GRID2: variants seen among roughly 807,000 people sequenced by gnomAD.
GRID2 encodes glutamate ionotropic receptor delta type subunit 2.
In GRID2, 33 loss-of-function variants were observed where a neutral mutation model predicts 114.8. The ratio of observed to expected loss-of-function variants is 0.29; its 90% confidence interval spans 0.22 to 0.38. The LOEUF is 0.38. Among genes scored for constraint, GRID2 ranks in the 10% least tolerant of loss-of-function variants. The probability of loss-of-function intolerance (pLI) is 1.00; values close to 1 mark genes in which losing one functional copy is unlikely to be tolerated. For synonymous variants in GRID2, 505 were observed against 449.9 expected (o/e 1.12, Z -1.55); for missense variants, 1,184 against 1,257.7 (o/e 0.94, Z 0.89).
intron 2 of GRID2, among the ~76,000 whole-genome samples, chr4:92,760,004 A>G (rs1417479162): frequency 6.6e-6 from 1 of 151,454 alleles, no homozygotes; most frequent in Non-Finnish European, 1.5e-5. Flanking sequence ...TACGGCACAT[A>G]GCTGAGGCGG....
At chr4:93,264,072 T>C (rs904388340) in intron 8 of GRID2, among the ~76,000 whole-genome samples, 7 of 152,208 alleles carry the variant, frequency 4.6e-5, no homozygotes, top group Non-Finnish European at 7.3e-5. Context: ...CAGGTTATAT[T>C]CAGGCAGCTA....
chr4:93,597,642 G>A (rs932300967), intron 13 of GRID2, among the ~76,000 whole-genome samples: 4 of 152,102 alleles, frequency 2.6e-5, no homozygotes, highest in African/African-American at 7.2e-5. Context: ...TCACTCCAGC[G>A]AATCTCCTTA....
chr4:93,515,004 T>C (rs543247649), intron 12 of GRID2, among the ~76,000 whole-genome samples: 70 of 152,304 alleles, frequency 4.6e-4, no homozygotes, highest in Middle Eastern at 3.4e-3. Context: ...TCAATAATAA[T>C]TTTGTGTTCT....
At chr4:93,093,671 C>T (rs374175698) in intron 3 of GRID2, among the ~76,000 whole-genome samples, 28 of 152,064 alleles carry the variant, frequency 1.8e-4, no homozygotes, top group African/African-American at 6.7e-4. Flanking sequence ...TGAATCTGAG[C>T]ATTTTCCCCT....
intron 2 of GRID2, among the ~76,000 whole-genome samples, chr4:92,849,170 AT>A (rs1743568279): frequency 6.6e-6 from 1 of 151,966 alleles, no homozygotes; most frequent in Non-Finnish European, 1.5e-5. Flanking sequence ...ATTGATGATG[AT>A]GAAAAAGAGG....
chr4:92,335,168 G>T (rs190738714), intron 1 of GRID2, among the ~76,000 whole-genome samples: 2 of 152,122 alleles, frequency 1.3e-5, no homozygotes, highest in Non-Finnish European at 2.9e-5. Flanking sequence ...TATGTTTAAA[G>T]TTTTAACTTC....
At chr4:92,789,902 A>G (rs1739497526) in intron 2 of GRID2, among the ~76,000 whole-genome samples, 1 of 151,838 alleles carries the variant, frequency 6.6e-6, no homozygotes, top group Non-Finnish European at 1.5e-5. Context: ...TGTTTTGTTC[A>G]AAGATATGTG....
At chr4:93,407,825 TCTC>T (rs141411355) in intron 9 of GRID2, among the ~76,000 whole-genome samples, 21,064 of 116,936 alleles carry the variant, frequency 0.18, 2,625 homozygotes, top group African/African-American at 0.38. Flanking sequence ...TCCTCCTCCT[TCTC>T]CTCCTCCTCC....
chr4:93,628,510 C>T (rs1742935632), intron 14 of GRID2, among the ~76,000 whole-genome samples: 1 of 151,900 alleles, frequency 6.6e-6, no homozygotes, highest in African/African-American at 2.4e-5. Context: ...AGGGGAAATA[C>T]GGAGAAGGAA....
At chr4:93,283,567 A>G (rs538607279) in intron 8 of GRID2, among the ~76,000 whole-genome samples, 35 of 152,122 alleles carry the variant, frequency 2.3e-4, no homozygotes, top group Non-Finnish European at 4.3e-4. Flanking sequence ...ATAAATTTTA[A>G]GAACTATCAG....
intron 2 of GRID2, among the ~76,000 whole-genome samples, chr4:92,802,031 T>A (rs1740198442): frequency 6.6e-6 from 1 of 151,968 alleles, no homozygotes. Context: ...GGATGATTTT[T>A]AAATTTTATT....
rs562700686 is a variant in GRID2 at position 92,346,031 on chromosome 4, A to G, written c.88+41287A>G. 1.8e-3 allele frequency among the ~76,000 whole-genome samples: 275 copies of G among 152,332 alleles called. 1 individual carries two copies. Among genetic ancestry groups the G allele is most frequent in the African/African-American group, 6.5e-3 (271 of 41,586 alleles). On this transcript the variant is annotated intron_variant, in intron 1 of 15. Coordinates refer to ENST00000282020, the MANE Select transcript of GRID2 (RefSeq NM_001510.4). ...AAAGACATTTCGTGTCAAAAAGCAT[A>G]ATCTGAACAAACAAGAAGCACCACT...
chr4:92,521,515 A>G (rs1157130257), intron 1 of GRID2, among the ~76,000 whole-genome samples: 1 of 151,998 alleles, frequency 6.6e-6, no homozygotes, highest in Admixed American at 6.6e-5. Flanking sequence ...TCACTGAGCT[A>G]TTATTGTCCT....
intron 14 of GRID2, among the ~76,000 whole-genome samples, chr4:93,725,927 G>T (rs1729838020): frequency 6.6e-6 from 1 of 152,124 alleles, no homozygotes; most frequent in Admixed American, 6.5e-5. Context: ...CTCCCATTCT[G>T]TAGGTTGCCT....
chr4:93,716,724 C>G lies in GRID2; in HGVS notation c.2361-52486C>G, dbSNP rs572066080. Among the ~76,000 whole-genome samples the G allele has an allele frequency of 1.8e-3, 269 of 151,928 alleles. 1 individual carries two copies. Among genetic ancestry groups the G allele is most frequent in the African/African-American group, 6.2e-3 (256 of 41,466 alleles). ...AATACATACTTAAATATTAAGTTAGCTCTCCCTCCTTCACTAATACTAGTC... is the reference window on the plus strand; with the variant it reads ...AATACATACTTAAATATTAAGTTAGGTCTCCCTCCTTCACTAATACTAGTC... On this transcript the variant is annotated intron_variant, in intron 14 of 15. Coordinates refer to ENST00000282020, the MANE Select transcript of GRID2 (RefSeq NM_001510.4).
chr4:93,522,355 A>G lies in GRID2; in HGVS notation c.2193+6944A>G, dbSNP rs367748959. On this transcript the variant is annotated intron_variant, in intron 13 of 15. Transcript: ENST00000282020. ...ATAGTAAACTACTAAAATATAATAA[A>G]CTTTCTAGACAAGACTGAAGGGGTT... Among the ~76,000 whole-genome samples, 300 of 152,310 alleles carry G rather than the reference A, an allele frequency of 2.0e-3. 2 individuals are homozygous for G. The highest frequency in any genetic ancestry group is 0.01 in the Middle Eastern group (3 of 294).
intron 1 of GRID2, among the ~76,000 whole-genome samples, chr4:92,579,972 TTATA>T (rs1026866722): frequency 2.1e-5 from 3 of 143,166 alleles, no homozygotes; most frequent in Non-Finnish European, 4.6e-5. Flanking sequence ...TGTATATATT[TTATA>T]TATGTATATG....
chr4:92,802,651 A>G (rs902422720), intron 2 of GRID2, among the ~76,000 whole-genome samples: 1 of 151,980 alleles, frequency 6.6e-6, no homozygotes. Context: ...TTCATACAAT[A>G]AGGTGCCAGT....
intron 2 of GRID2, among the ~76,000 whole-genome samples, chr4:92,863,905 C>T (rs1744694507): frequency 6.6e-6 from 1 of 152,132 alleles, no homozygotes; most frequent in Admixed American, 6.5e-5. Flanking sequence ...CTCAGCTCCA[C>T]AGGCTTAGCA....
Sources: allele counts gnomAD v4.1 joint callset (sites outside exome capture counted in the v4.1 genomes callset), GRCh38; gene constraint gnomAD v4.1.1; transcripts MANE v1.5; gene names NCBI Gene and HGNC (gene_info 2026-07-23, HGNC 2026-07-21).